Variants in NRG1 observed in about 807,000 individuals in gnomAD.
NRG1 encodes pro-neuregulin-1, membrane-bound isoform.
In NRG1, 18 loss-of-function variants were observed where a neutral mutation model predicts 63.8. The ratio of observed to expected loss-of-function variants is 0.28; its 90% confidence interval spans 0.19 to 0.42. The LOEUF (loss-of-function observed/expected upper bound fraction) is 0.42, where lower values mean the gene tolerates loss of function less well. Among genes scored for constraint, NRG1 ranks in the 10% least tolerant of loss-of-function variants. The pLI, the probability that NRG1 is intolerant of heterozygous loss-of-function variation, is 1.00. For synonymous variants in NRG1, 302 were observed against 301.3 expected (o/e 1.00, Z -0.02); for missense variants, 762 against 814.7 (o/e 0.94, Z 0.79).
In NRG1 at chr8:32,760,705, C is replaced by T. The variant is rs758611410; in HGVS notation, c.1259+299C>T. 3.0e-5 allele frequency: 35 copies of T among 1,164,722 alleles called. No individual in the cohort carries two copies. The East Asian group carries it at 4.3e-4, about 14-fold the overall frequency. 72.1% of individuals were successfully genotyped at this position (1,164,722 alleles called of 1,614,324 possible). On this transcript the variant is annotated intron_variant, in intron 11 of 11. Coordinates refer to ENST00000356819, the Ensembl canonical transcript of NRG1. The stretch of plus-strand genomic sequence containing the variant: ...CTCTGGCCATGGGCTCAGACCCACT[C>T]GGGGTCTCAGTGTCCTCAGTTGTAA...
intron 1 of NRG1, among the ~76,000 whole-genome samples, chr8:32,097,748 T>A (rs1286653162): frequency 6.6e-6 from 1 of 152,192 alleles, no homozygotes. Context: ...GGGTAACACC[T>A]GTTTGTGGCT....
At chr8:31,650,285 C>T (rs1035672078) in intron 1 of NRG1, among the ~76,000 whole-genome samples, 2 of 152,284 alleles carry the variant, frequency 1.3e-5, no homozygotes, top group South Asian at 4.1e-4. Context: ...GCCTGAAATG[C>T]TACTTTTCTT....
chr8:31,853,768 T>G (rs970037669), intron 1 of NRG1, among the ~76,000 whole-genome samples: 1 of 152,050 alleles, frequency 6.6e-6, no homozygotes, highest in Non-Finnish European at 1.5e-5. Flanking sequence ...TAGCTCTTAT[T>G]ATTTTGAAAT....
chr8:32,457,714 A>G (rs1821778374), intron 1 of NRG1, among the ~76,000 whole-genome samples: 1 of 152,172 alleles, frequency 6.6e-6, no homozygotes. Flanking sequence ...GGCTTCATTA[A>G]ATTTCAAGAG....
In NRG1 at chr8:32,568,952, C is replaced by T. The variant is rs191179281; in HGVS notation, c.100+20126C>T. On this transcript the variant is annotated intron_variant, in intron 1 of 11. Transcript: ENST00000356819. ...CCAAGAGCCATGTGAAAATGAAAAT[C>T]CTTGAAATGGAAAAAAAAAAAAAAG... is the stretch of plus-strand genomic sequence containing the variant. 3.9e-4 allele frequency among the ~76,000 whole-genome samples: 35 copies of T among 88,692 alleles called. No homozygotes were observed. In the East Asian group the frequency reaches 0.012, roughly 29 times the overall value. 58.2% of individuals were successfully genotyped at this position (88,692 alleles called of 152,430 possible).
At chr8:32,701,420 A>C (rs984521016) in intron 5 of NRG1, among the ~76,000 whole-genome samples, 1 of 152,100 alleles carries the variant, frequency 6.6e-6, no homozygotes, top group Non-Finnish European at 1.5e-5. Flanking sequence ...TTTCACTATT[A>C]AAAAAAGCCT....
intron 1 of NRG1, among the ~76,000 whole-genome samples, chr8:32,141,683 C>G (rs1275991058): frequency 1.4e-5 from 2 of 144,206 alleles, no homozygotes; most frequent in African/African-American, 2.5e-5. Flanking sequence ...CACAACTTTT[C>G]ACTAATATCT....
At chr8:32,203,562 G>A (rs552946289) in intron 1 of NRG1, among the ~76,000 whole-genome samples, 19 of 151,748 alleles carry the variant, frequency 1.3e-4, no homozygotes, top group Admixed American at 7.9e-4. Flanking sequence ...GGATTTCACC[G>A]GGTTGGCCAG....
chr8:31,716,708 A>G (rs914303609), intron 1 of NRG1, among the ~76,000 whole-genome samples: 10 of 152,206 alleles, frequency 6.6e-5, no homozygotes, highest in African/African-American at 2.4e-4. Flanking sequence ...AGTTTTACTG[A>G]AATATTTAGA....
intron 3 of NRG1, among the ~76,000 whole-genome samples, chr8:32,609,549 TCCC>T (rs1458465588): frequency 7.4e-6 from 1 of 134,350 alleles, no homozygotes; most frequent in African/African-American, 3.0e-5. Context: ...TTTCCTTCCC[TCCC>T]TCCTTCCTTC....
At chr8:31,833,765 A>G (rs531734305) in intron 1 of NRG1, among the ~76,000 whole-genome samples, 1 of 152,212 alleles carries the variant, frequency 6.6e-6, no homozygotes, top group African/African-American at 2.4e-5. Flanking sequence ...GTGCTCCATG[A>G]TCTCGTGTAA....
At chr8:32,288,712 A>G (rs540444621) in intron 1 of NRG1, among the ~76,000 whole-genome samples, 112 of 152,194 alleles carry the variant, frequency 7.4e-4, no homozygotes, top group African/African-American at 2.5e-3. Context: ...AGGATTCTTC[A>G]TTTCCTTTTG....
chr8:31,708,445 TG>T (rs368342409), intron 1 of NRG1, among the ~76,000 whole-genome samples: 27,567 of 106,282 alleles, frequency 0.26, 2,959 homozygotes, highest in Non-Finnish European at 0.3. Context: ...TAAACATAAT[TG>T]TTTTTTTTTT....
At chr8:32,741,974 T>A (rs76512066) in intron 6 of NRG1, 34 bp from the exon 7 acceptor site, 1 of 1,011,400 alleles carries the variant, frequency 9.9e-7, no homozygotes. Flanking sequence ...GTCTTTAGCA[T>A]TTTTTTTTTG....
At position 32,103,110 on chromosome 8, in the gene NRG1, G is replaced by A. The variant is rs190592274; in HGVS notation, c.37+463679G>A. The stretch of plus-strand genomic sequence containing the variant: ...ACATTATTTTGGCTATAGTCACACT[G>A]TCATGCTATTAAATGCTAGGTCTTC... On this transcript the variant is annotated intron_variant, in intron 1 of 10. Transcript: ENST00000519301. 2.0e-3 allele frequency among the ~76,000 whole-genome samples: 299 copies of A among 152,226 alleles called. 2 individuals are homozygous for A. The highest frequency in any genetic ancestry group is 3.1e-3 in the South Asian group (15 of 4,818).
chr8:32,648,379 A>G lies in NRG1; in HGVS notation c.502+31494A>G, dbSNP rs756831646. ...GAAACTAATCTCCAAACTGCTCCTAAACTTTGTAAGTAGAGAGAGAGAGAG... is the reference window on the plus strand; with the variant it reads ...GAAACTAATCTCCAAACTGCTCCTAGACTTTGTAAGTAGAGAGAGAGAGAG... On this transcript the variant is annotated intron_variant, in intron 5 of 11. Transcript: ENST00000356819. 1.9e-6 allele frequency: 3 copies of G among 1,613,640 alleles called. No individual in the cohort carries two copies. The South Asian group carries it at 3.3e-5, about 18-fold the overall frequency.
chr8:32,551,640 C>T (rs1376850925), intron 1 of NRG1, among the ~76,000 whole-genome samples: 3 of 152,188 alleles, frequency 2.0e-5, no homozygotes, highest in Non-Finnish European at 1.5e-5. Context: ...TGTTGAATTG[C>T]ACACTATTGG....
At chr8:32,576,535 A>C (rs1334688785) in intron 1 of NRG1, among the ~76,000 whole-genome samples, 1 of 152,054 alleles carries the variant, frequency 6.6e-6, no homozygotes, top group African/African-American at 2.4e-5. Context: ...CAGGGCAATA[A>C]ATCTTAAACA....
intron 1 of NRG1, among the ~76,000 whole-genome samples, chr8:32,280,691 G>T (rs55870726): frequency 0.16 from 9,174 of 56,988 alleles, 756 homozygotes; most frequent in East Asian, 0.39. Context: ...TTTTTTTTTT[G>T]TTTTTTTTTT....
Sources: allele counts gnomAD v4.1 joint callset (sites outside exome capture counted in the v4.1 genomes callset), GRCh38; gene constraint gnomAD v4.1.1; transcripts MANE v1.5; gene names NCBI Gene and HGNC (gene_info 2026-07-23, HGNC 2026-07-21).